Variants in PRKG1 observed in about 807,000 individuals in gnomAD.
PRKG1 encodes the protein cGMP-dependent protein kinase 1.
In PRKG1, 35 loss-of-function variants were observed where a neutral mutation model predicts 88.1. That is an observed-to-expected ratio of 0.40 (90% CI 0.30 to 0.53). The LOEUF is 0.53. Among genes scored for constraint, PRKG1 ranks in the 20% least tolerant of loss-of-function variants. The pLI is 0.59. For missense variants in PRKG1, 540 were observed against 839.8 expected (o/e 0.64, Z 4.41); for synonymous variants, 303 against 292.5 (o/e 1.04, Z -0.37).
rs1268086121 is a variant in PRKG1, at chr10:51,968,755, G to A, written c.762+61185G>A. 4.7e-5 allele frequency among the ~76,000 whole-genome samples: 7 copies of A among 150,472 alleles called. No homozygotes were observed. In the South Asian group the frequency reaches 8.4e-4, roughly 18 times the overall value. ...GGATAATCGCTTAAATCCAGGAGGC[G>A]GAGGTTGCAGTGAGCCAAGATCATG... On this transcript the variant is annotated intron_variant, in intron 5 of 17. Coordinates refer to ENST00000373980, the MANE Select transcript of PRKG1 (RefSeq NM_006258.4).
chr10:51,566,959 C>A (rs951287433), intron 3 of PRKG1, among the ~76,000 whole-genome samples: 1 of 150,422 alleles, frequency 6.6e-6, no homozygotes, highest in East Asian at 2.0e-4. Flanking sequence ...AAAGAAAAAA[C>A]AAGGTAGTGG....
At chr10:51,852,243 G>A (rs144663105) in intron 4 of PRKG1, among the ~76,000 whole-genome samples, 104 of 142,420 alleles carry the variant, frequency 7.3e-4, no homozygotes, top group African/African-American at 2.6e-3. Flanking sequence ...ACACACACAC[G>A]TCATATATAA....
At chr10:51,073,436 A>G (rs976937410), upstream of PRKG1, among the ~76,000 whole-genome samples, 2 of 152,188 alleles carry the variant, frequency 1.3e-5, no homozygotes, top group African/African-American at 4.8e-5. Flanking sequence ...GGTATGATTC[A>G]GTTTCAAGAT....
intron 3 of PRKG1, among the ~76,000 whole-genome samples, chr10:51,642,222 T>G (rs373062219): frequency 1.1e-4 from 16 of 151,990 alleles, no homozygotes; most frequent in African/African-American, 3.1e-4. Context: ...AAACTCCTTC[T>G]CCACTAAAAA....
rs1357988056 is a variant in PRKG1 at position 51,922,673 on chromosome 10, G to A, written c.762+15103G>A. Among the ~76,000 whole-genome samples, 5 of 151,876 alleles carry A rather than the reference G, an allele frequency of 3.3e-5. No individual in the cohort carries two copies. In the East Asian group the frequency reaches 7.7e-4, roughly 23 times the overall value. Reference sequence around the variant, plus strand: ...TTGAGCCATATGTTATTTTAAAAATGTGTTGTTTAATTTCCATTACTTTTA... The same window carrying A: ...TTGAGCCATATGTTATTTTAAAAATATGTTGTTTAATTTCCATTACTTTTA... On this transcript the variant is annotated intron_variant, in intron 5 of 17. Coordinates refer to ENST00000373980, the MANE Select transcript of PRKG1 (RefSeq NM_006258.4).
chr10:52,193,562 ACAAAAAAAAAAAAC>A (rs1259331214), intron 9 of PRKG1, among the ~76,000 whole-genome samples: 10 of 120,066 alleles, frequency 8.3e-5, no homozygotes, highest in African/African-American at 3.6e-4. Flanking sequence ...AAAAAAAAAA[ACAAAAAAAAAAAAC>A]AAAAAAAAAA....
intron 5 of PRKG1, among the ~76,000 whole-genome samples, chr10:52,009,902 A>G (rs1844838210): frequency 6.6e-6 from 1 of 152,156 alleles, no homozygotes; most frequent in Admixed American, 6.5e-5. Context: ...GACTGAGATG[A>G]TGAAAACAAG....
intron 3 of PRKG1, among the ~76,000 whole-genome samples, chr10:51,792,197 C>G (rs1009573864): frequency 6.6e-6 from 1 of 152,024 alleles, no homozygotes; most frequent in Non-Finnish European, 1.5e-5. Flanking sequence ...TAAGAGGGAA[C>G]TTGTAGCATT....
At chr10:51,334,292 C>G (rs1588851648) in intron 2 of PRKG1, among the ~76,000 whole-genome samples, 1 of 151,840 alleles carries the variant, frequency 6.6e-6, no homozygotes, top group Non-Finnish European at 1.5e-5. Flanking sequence ...TGTAAATTCT[C>G]CAGGATATAT....
intron 3 of PRKG1, among the ~76,000 whole-genome samples, chr10:51,601,208 G>T (rs1416436972): frequency 1.3e-5 from 2 of 151,968 alleles, no homozygotes; most frequent in Non-Finnish European, 2.9e-5. Context: ...TTGGGGAAGG[G>T]AATGTTTGGG....
At chr10:51,896,456 C>T (rs917284862) in intron 4 of PRKG1, among the ~76,000 whole-genome samples, 3 of 151,730 alleles carry the variant, frequency 2.0e-5, no homozygotes, top group African/African-American at 7.3e-5. Context: ...TGCCTGTAAT[C>T]TCAATACTTT....
At chr10:51,492,806 C>T (rs1840741049) in intron 3 of PRKG1, among the ~76,000 whole-genome samples, 2 of 151,946 alleles carry the variant, frequency 1.3e-5, no homozygotes, top group African/African-American at 4.8e-5. Flanking sequence ...TTTAGGATGG[C>T]ATGAAACTTG....
chr10:51,219,123 A>G (rs1352202334), intron 2 of PRKG1, among the ~76,000 whole-genome samples: 1 of 152,224 alleles, frequency 6.6e-6, no homozygotes, highest in Non-Finnish European at 1.5e-5. Context: ...AATGAGTAGT[A>G]TCAGCTGATA....
intron 2 of PRKG1, among the ~76,000 whole-genome samples, chr10:51,343,963 T>C (rs1338248269): frequency 6.6e-6 from 1 of 152,220 alleles, no homozygotes; most frequent in Non-Finnish European, 1.5e-5. Context: ...AGATAATGTA[T>C]GCTAGCAATA....
chr10:51,633,426 G>T (rs1331457957), intron 3 of PRKG1, among the ~76,000 whole-genome samples: 1 of 151,688 alleles, frequency 6.6e-6, no homozygotes. Flanking sequence ...AAACTCAAAA[G>T]CACATATAAA....
At chr10:51,622,893 C>G (rs530738130) in intron 3 of PRKG1, among the ~76,000 whole-genome samples, 1 of 152,272 alleles carries the variant, frequency 6.6e-6, no homozygotes, top group South Asian at 2.1e-4. Flanking sequence ...TGCTAAGATA[C>G]TATTTGTTCA....
chr10:52,008,842 G>A (rs1386150866), intron 5 of PRKG1, among the ~76,000 whole-genome samples: 1 of 152,054 alleles, frequency 6.6e-6, no homozygotes, highest in Non-Finnish European at 1.5e-5. Context: ...CCATGATCAA[G>A]TAGGCTTTAT....
intron 4 of PRKG1, among the ~76,000 whole-genome samples, chr10:51,851,099 A>C (rs1183024489): frequency 1.3e-5 from 2 of 152,168 alleles, no homozygotes; most frequent in African/African-American, 4.8e-5. Context: ...AGATTAAATA[A>C]ATTATGGAAT....
intron 2 of PRKG1, among the ~76,000 whole-genome samples, chr10:51,362,075 T>C (rs1343700409): frequency 1.3e-5 from 2 of 151,940 alleles, no homozygotes; most frequent in African/African-American, 2.4e-5. Flanking sequence ...GAAGTGGATT[T>C]ACATTTTGGA....
Sources: gnomAD v4.1 joint callset for allele counts (sites outside exome capture counted in the v4.1 genomes callset) on GRCh38, gnomAD v4.1.1 for gene constraint, MANE v1.5 for transcripts, NCBI Gene and HGNC (gene_info 2026-07-23, HGNC 2026-07-21) for gene names.